The following TULP4 variants were observed in gnomAD, a reference collection of about 807,000 sequenced individuals.
The protein encoded by TULP4 is tubby-related protein 4.
TULP4 carries 16 observed loss-of-function variants against 129.0 expected under a neutral mutation model. The ratio of observed to expected loss-of-function variants is 0.12; its 90% CI spans 0.08 to 0.19. The LOEUF is 0.19. TULP4 is among the 10% of genes least tolerant of loss of function. The pLI is 1.00. For synonymous variants in TULP4, 998 were observed against 854.0 expected (o/e 1.17, Z -2.94); for missense variants, 1,842 against 2,059.1 (o/e 0.89, Z 2.04).
At chr6:158,335,438 A>G (rs1780011528) in intron 1 of TULP4, among the ~76,000 whole-genome samples, 1 of 109,472 alleles carries the variant, frequency 9.1e-6, no homozygotes, top group South Asian at 3.6e-4. Flanking sequence ...TAGTTTTTTG[A>G]TCTTTTCCTC....
chr6:158,484,907 A>C (rs1780031600), intron 8 of TULP4, among the ~76,000 whole-genome samples: 1 of 152,254 alleles, frequency 6.6e-6, no homozygotes, highest in African/African-American at 2.4e-5. Context: ...CCTGACTAAT[A>C]CAGATTTTGG....
intron 1 of TULP4, among the ~76,000 whole-genome samples, chr6:158,273,679 A>C (rs1311610666): frequency 1.3e-5 from 2 of 152,216 alleles, no homozygotes; most frequent in African/African-American, 4.8e-5. Flanking sequence ...GCTGACACTT[A>C]CTGAGAGTTT....
intron 2 of TULP4, among the ~76,000 whole-genome samples, chr6:158,418,767 C>G (rs769564344): frequency 2.2e-4 from 33 of 152,134 alleles, no homozygotes; most frequent in African/African-American, 6.8e-4. Context: ...GACCAAGTCT[C>G]TAGACAAATA....
intron 3 of TULP4, among the ~76,000 whole-genome samples, chr6:158,444,960 CA>C (rs553214618): frequency 3.9e-5 from 6 of 152,126 alleles, no homozygotes; most frequent in Non-Finnish European, 8.8e-5. Context: ...TACAGGTGCT[CA>C]CCACCATGGC....
Position 158,498,782 on chromosome 6 carries a change from G to A in TULP4, c.1984G>A (p.Val662Ile). 1 of 1,614,182 alleles carries A rather than the reference G, an allele frequency of 6.2e-7. No individual in the cohort carries two copies. The highest frequency in any genetic ancestry group is 8.5e-7 in the Non-Finnish European group (1 of 1,180,030). The change falls in exon 12 of 14, where the codon GTT becomes ATT. Residue 662 changes from valine to isoleucine, a missense_variant. Physicochemically the swap from Val to Ile is conservative, Grantham distance 29. This residue lies in a region of TULP4 where 99 missense variants were observed against 165.1 expected (regional missense o/e 0.60). Coordinates refer to ENST00000367097, the MANE Select transcript of TULP4 (RefSeq NM_020245.5). ...TAATTTACCTGTCTTCAACCCAAAT[G>A]TTTTCAGTGAAGATGAAGATGATTT... ...YINLPVFNPN[V>I]FSEDEDDLPV...
At chr6:158,336,195 G>A (rs1465852825) in intron 1 of TULP4, among the ~76,000 whole-genome samples, 5 of 152,116 alleles carry the variant, frequency 3.3e-5, no homozygotes, top group Non-Finnish European at 7.3e-5. Flanking sequence ...GAGTAAGGTT[G>A]AACATATTTT....
At chr6:158,393,424 C>G (rs1483239469) in intron 1 of TULP4, among the ~76,000 whole-genome samples, 3 of 152,214 alleles carry the variant, frequency 2.0e-5, no homozygotes, top group Non-Finnish European at 1.5e-5. Context: ...TGTGTGGGCT[C>G]CAACCCCACA....
Position 158,508,449 on chromosome 6 carries a change from C to T in TULP4, c.*1755C>T, listed in dbSNP as rs1026854099. On this transcript the variant is annotated 3_prime_UTR_variant, in exon 14 of 14. Transcript: ENST00000367097. ...CATCACTCCCAATTCTCTCCAAACC[C>T]CAGAGAAATACTGACGAAGTTTTCT... 1.3e-5 allele frequency: 2 copies of T among 152,272 alleles called. No individual in the cohort carries two copies. Among genetic ancestry groups the T allele is most frequent in the African/African-American group, 2.4e-5 (1 of 41,436 alleles). 9.4% of individuals were successfully genotyped at this position (152,272 alleles called of 1,614,324 possible).
rs536876033 is a variant in TULP4, at chr6:158,284,641, CATT to C, written n.116+2266_116+2268del. ...CAGTGCTGTGGTTATAATGGCAAAA[CATT>C]ATGTGGAGAAATAGGTACTGAGCTG... On this transcript the variant is annotated intron_variant and non_coding_transcript_variant, in intron 1 of 1. Coordinates refer to the TULP4 transcript ENST00000432358. Among the ~76,000 whole-genome samples, 47 of 152,282 alleles carry C rather than the reference CATT, an allele frequency of 3.1e-4. No homozygotes were observed. The East Asian group carries it at 6.0e-3, about 19-fold the overall frequency.
At chr6:158,397,961 A>G (rs1011786795) in intron 1 of TULP4, 1 of 152,188 alleles carries the variant, frequency 6.6e-6, no homozygotes, top group East Asian at 1.9e-4. Flanking sequence ...TAGATTGGCA[A>G]TCTTAAGCTC....
chr6:158,351,005 C>T (rs1411098092), intron 1 of TULP4, among the ~76,000 whole-genome samples: 2 of 152,254 alleles, frequency 1.3e-5, no homozygotes, highest in Admixed American at 6.5e-5. Context: ...TCACCTGCCT[C>T]GGCCTCCCAA....
At chr6:158,421,255 G>A (rs928654730) in intron 2 of TULP4, among the ~76,000 whole-genome samples, 3 of 152,084 alleles carry the variant, frequency 2.0e-5, no homozygotes, top group South Asian at 2.1e-4. Flanking sequence ...CCAGCTACTC[G>A]GGAGGCTGAG....
chr6:158,476,492 TC>T (rs1320743137), intron 6 of TULP4, among the ~76,000 whole-genome samples: 1 of 152,188 alleles, frequency 6.6e-6, no homozygotes, highest in Non-Finnish European at 1.5e-5. Context: ...GGCTGAGAAT[TC>T]CAAGTCGTCC....
chr6:158,284,327 G>C (rs1239066788), intron 1 of TULP4, among the ~76,000 whole-genome samples: 1 of 152,222 alleles, frequency 6.6e-6, no homozygotes, highest in Non-Finnish European at 1.5e-5. Flanking sequence ...TACCTGCATG[G>C]TCTGGAAAAC....
upstream of TULP4, among the ~76,000 whole-genome samples, chr6:158,280,843 TG>T (rs767506787): frequency 1.7e-3 from 255 of 152,350 alleles, 1 homozygote; most frequent in Non-Finnish European, 3.0e-3. Context: ...GCACAGTGCC[TG>T]GGATGTTCGG....
intron 3 of TULP4, among the ~76,000 whole-genome samples, chr6:158,432,379 A>G (rs944478816): frequency 6.6e-6 from 1 of 152,128 alleles, no homozygotes; most frequent in Non-Finnish European, 1.5e-5. Flanking sequence ...CCTGCAGCTC[A>G]GGGGCTCTGA....
chr6:158,466,550 TTTG>T (rs1229015533), intron 6 of TULP4, among the ~76,000 whole-genome samples: 8 of 152,194 alleles, frequency 5.3e-5, no homozygotes, highest in Non-Finnish European at 1.2e-4. Context: ...TATTTGGGTT[TTTG>T]TTTTTAAGAA....
At chr6:158,392,092 C>G (rs1255137718) in intron 1 of TULP4, among the ~76,000 whole-genome samples, 1 of 152,224 alleles carries the variant, frequency 6.6e-6, no homozygotes, top group South Asian at 2.1e-4. Flanking sequence ...AATGGACTTA[C>G]CATTCCACAT....
intron 3 of TULP4, among the ~76,000 whole-genome samples, chr6:158,448,384 A>C (rs1407323423): frequency 6.6e-6 from 1 of 152,256 alleles, no homozygotes; most frequent in East Asian, 1.9e-4. Context: ...CAAAGTAAGT[A>C]CTTAATATTT....
Sources: gnomAD v4.1 joint callset for allele counts (sites outside exome capture counted in the v4.1 genomes callset) on GRCh38, gnomAD v4.1.1 for gene constraint, gnomAD v4.1.1 regional missense constraint, MANE v1.5 for transcripts, NCBI Gene and HGNC (gene_info 2026-07-23, HGNC 2026-07-21) for gene names.